Variants in ECHDC1 observed in about 807,000 individuals in gnomAD.
ECHDC1 encodes ethylmalonyl-CoA decarboxylase 1, also known as ethylmalonyl-CoA decarboxylase.
ECHDC1 carries 29 observed loss-of-function variants against 29.7 expected under a neutral mutation model. That is an observed-to-expected ratio of 0.98 (90% CI 0.73 to 1.33). The LOEUF (loss-of-function observed/expected upper bound fraction) is 1.33. ECHDC1 is among the 40% of genes most tolerant of loss of function. The pLI, the probability that ECHDC1 is intolerant of heterozygous loss-of-function variation, is 0.00. For missense variants in ECHDC1, 328 were observed against 350.0 expected (o/e 0.94, Z 0.50); for synonymous variants, 126 against 123.1 (o/e 1.02, Z -0.15).
intron 4 of ECHDC1, chr6:127,315,636 T>C (rs1410459695): frequency 1.1e-5 from 3 of 269,192 alleles, no homozygotes; most frequent in South Asian, 7.3e-5. Flanking sequence ...GTAGAAAGGA[T>C]TATTTAAAAA....
Position 127,314,483 on chromosome 6 carries a change from G to T in ECHDC1, c.497+333C>A, listed in dbSNP as rs866939410. 3.1e-4 allele frequency among the ~76,000 whole-genome samples: 47 copies of T among 151,912 alleles called. 1 individual carries two copies. Among genetic ancestry groups the T allele is most frequent in the African/African-American group, 1.0e-3 (43 of 41,374 alleles). Reference sequence around the variant, plus strand: ...CATTCTATTTTTCTTTTTTAATGTTGCTTACCTTTGTTTGTATAATTCTTT... The same window carrying T: ...CATTCTATTTTTCTTTTTTAATGTTTCTTACCTTTGTTTGTATAATTCTTT... On this transcript the variant is annotated intron_variant, in intron 5 of 5. Coordinates refer to ENST00000454859, the MANE Select transcript of ECHDC1 (RefSeq NM_001002030.2).
intron 5 of ECHDC1, among the ~76,000 whole-genome samples, chr6:127,291,416 G>GTTAT (rs1780170673): frequency 6.6e-6 from 1 of 151,664 alleles, no homozygotes; most frequent in Admixed American, 6.6e-5. Context: ...CAGTAAGAAA[G>GTTAT]TTATTGATAG....
chr6:127,308,800 T>C (rs1781649425), intron 5 of ECHDC1, among the ~76,000 whole-genome samples: 1 of 152,166 alleles, frequency 6.6e-6, no homozygotes, highest in Admixed American at 6.5e-5. Context: ...ATCAGTAGCT[T>C]TTCTATATGT....
chr6:127,324,634 T>C (rs985128316), intron 3 of ECHDC1, among the ~76,000 whole-genome samples: 5 of 152,082 alleles, frequency 3.3e-5, no homozygotes, highest in African/African-American at 7.2e-5. Flanking sequence ...GATTATATAA[T>C]TGGAGCAGGG....
intron 2 of ECHDC1, among the ~76,000 whole-genome samples, chr6:127,329,005 C>A (rs953943820): frequency 6.6e-6 from 1 of 151,364 alleles, no homozygotes; most frequent in African/African-American, 2.4e-5. Context: ...CCAGCCTAGG[C>A]GACAGAGTGA....
intron 3 of ECHDC1, among the ~76,000 whole-genome samples, chr6:127,317,706 T>C (rs949633435): frequency 1.3e-5 from 2 of 152,338 alleles, no homozygotes; most frequent in East Asian, 1.9e-4. Flanking sequence ...TTTGGTACTA[T>C]GTTTGACTTT....
intron 5 of ECHDC1, among the ~76,000 whole-genome samples, chr6:127,295,675 T>C (rs1468690934): frequency 6.6e-6 from 1 of 152,216 alleles, no homozygotes; most frequent in Non-Finnish European, 1.5e-5. Context: ...TAATATAAAT[T>C]AGTAGAATCT....
chr6:127,301,713 C>T (rs975385334), intron 5 of ECHDC1, among the ~76,000 whole-genome samples: 6 of 152,242 alleles, frequency 3.9e-5, no homozygotes, highest in East Asian at 1.9e-4. Context: ...TTTTGGTATG[C>T]GGGTTTTAAA....
chr6:127,306,557 CT>C (rs1366184843), intron 5 of ECHDC1, among the ~76,000 whole-genome samples: 3 of 152,164 alleles, frequency 2.0e-5, no homozygotes, highest in African/African-American at 7.2e-5. Flanking sequence ...CCCCTTTTCT[CT>C]CTTTCTCCTG....
At chr6:127,328,981 C>G (rs190210033) in intron 2 of ECHDC1, among the ~76,000 whole-genome samples, 3 of 151,924 alleles carry the variant, frequency 2.0e-5, no homozygotes, top group Non-Finnish European at 2.9e-5. Context: ...GAGCTGAGAT[C>G]GCGCCACTGC....
At chr6:127,338,916 T>C (rs1160863807) in intron 1 of ECHDC1, among the ~76,000 whole-genome samples, 1 of 152,204 alleles carries the variant, frequency 6.6e-6, no homozygotes, top group African/African-American at 2.4e-5. Context: ...ACCTAGATAA[T>C]GCATCCACAG....
At chr6:127,306,068 C>T (rs886614305) in intron 5 of ECHDC1, among the ~76,000 whole-genome samples, 7 of 147,226 alleles carry the variant, frequency 4.8e-5, no homozygotes, top group Admixed American at 4.7e-4. Context: ...ACACATTTCA[C>T]CTATAAAGAC....
chr6:127,311,382 G>C (rs1582959198), intron 5 of ECHDC1, among the ~76,000 whole-genome samples: 1 of 152,148 alleles, frequency 6.6e-6, no homozygotes, highest in East Asian at 1.9e-4. Context: ...TTAACCATAA[G>C]AAAACTGGGG....
At chr6:127,341,318 G>A (rs1340459177) in intron 1 of ECHDC1, among the ~76,000 whole-genome samples, 2 of 152,124 alleles carry the variant, frequency 1.3e-5, no homozygotes, top group African/African-American at 4.8e-5. Flanking sequence ...TTTCGTCCCA[G>A]TTCTAAATTC....
chr6:127,316,534 T>C (rs1206674605), intron 3 of ECHDC1, 32 bp from the exon 4 acceptor site: 1 of 1,554,384 alleles, frequency 6.4e-7, no homozygotes, highest in South Asian at 1.2e-5. Flanking sequence ...AACACAAAGG[T>C]ATAATGCAAA....
At chr6:127,297,054 T>C (rs761918648) in intron 5 of ECHDC1, among the ~76,000 whole-genome samples, 50 of 152,210 alleles carry the variant, frequency 3.3e-4, no homozygotes, top group Admixed American at 1.2e-3. Flanking sequence ...ATTAAAACTA[T>C]GCTGAAATAT....
intron 5 of ECHDC1, among the ~76,000 whole-genome samples, chr6:127,311,427 A>T (rs532482406): frequency 3.5e-4 from 53 of 152,100 alleles, no homozygotes; most frequent in African/African-American, 1.3e-3. Context: ...TAATCCCAGC[A>T]CTTTGGGAGG....
At chr6:127,326,939 T>G (rs1344093695) in intron 3 of ECHDC1, 63 bp downstream of exon 3, 3 of 1,516,552 alleles carry the variant, frequency 2.0e-6, no homozygotes, top group Non-Finnish European at 2.7e-6. Flanking sequence ...AAAATATAAA[T>G]GTATCTGCCA....
chr6:127,335,247 T>C (rs944181304), intron 1 of ECHDC1, among the ~76,000 whole-genome samples: 1 of 152,098 alleles, frequency 6.6e-6, no homozygotes, highest in Admixed American at 6.6e-5. Flanking sequence ...CACAGTGGGA[T>C]GTAATCCCCT....
Sources: allele counts gnomAD v4.1 joint callset (sites outside exome capture counted in the v4.1 genomes callset), GRCh38; gene constraint gnomAD v4.1.1; transcripts MANE v1.5; gene names NCBI Gene and HGNC (gene_info 2026-07-23, HGNC 2026-07-21).